NACC2: variants seen among roughly 807,000 people sequenced by gnomAD.
NACC2 encodes the protein NACC family member 2.
In NACC2, 8 loss-of-function variants were observed where a neutral mutation model predicts 25.1. That is an observed-to-expected ratio of 0.32 (90% CI 0.19 to 0.57). The LOEUF (loss-of-function observed/expected upper bound fraction) is 0.57. Among genes scored for constraint, NACC2 ranks in the 20% least tolerant of loss-of-function variants. The pLI, the probability that NACC2 is intolerant of heterozygous loss-of-function variation, is 0.89. For missense variants in NACC2, 644 were observed against 650.2 expected, an observed-to-expected ratio of 0.99 and a Z score of 0.10; for synonymous variants, 435 against 294.7, an observed-to-expected ratio of 1.48 and a Z score of -4.88.
At position 136,022,923 on chromosome 9, in the gene NACC2, GT is replaced by G. The variant is rs35317169; in HGVS notation, c.887-6495del. Among the ~76,000 whole-genome samples, 73,494 of 147,712 alleles carry G rather than the reference GT, an allele frequency of 0.5. 19,174 individuals are homozygous for G. The highest frequency in any genetic ancestry group is 0.66 in the African/African-American group (26,075 of 39,688). On this transcript the variant is annotated intron_variant, in intron 2 of 5. Coordinates refer to ENST00000277554, the MANE Select transcript of NACC2 (RefSeq NM_144653.5). The surrounding 1 kb of genome is among the most constrained non-coding windows in gnomAD (Gnocchi z 4.4). ...CGCCATGCCACGCCACACCGTGCCT[GT>G]TAAGACACAGCCCGTTTCGTGGATG...
intron 1 of NACC2, among the ~76,000 whole-genome samples, chr9:136,063,566 G>C (rs565294401): frequency 6.6e-6 from 1 of 152,198 alleles, no homozygotes; most frequent in African/African-American, 2.4e-5. Flanking sequence ...ACCTGGGAAG[G>C]GTATGCACAA....
Position 136,018,951 on chromosome 9 carries a change from G to A in NACC2, c.887-2522C>T, listed in dbSNP as rs1840244536. Reference sequence around the variant, plus strand: ...GATGTTTTTCTAAACAGCAGAAGTTGTTTGTGCTTGGAACACCCGCCCCTC... The same window carrying A: ...GATGTTTTTCTAAACAGCAGAAGTTATTTGTGCTTGGAACACCCGCCCCTC... On this transcript the variant is annotated intron_variant, in intron 2 of 5. Transcript: ENST00000277554. This position sits in a 1 kb window ranked among gnomAD's most constrained non-coding sequence, Gnocchi z 4.4. Among the ~76,000 whole-genome samples, 3 of 151,846 alleles carry A rather than the reference G, an allele frequency of 2.0e-5. No homozygotes were observed. Among genetic ancestry groups the A allele is most frequent in the Admixed American group, 2.0e-4 (3 of 15,268 alleles).
intron 2 of NACC2, among the ~76,000 whole-genome samples, chr9:136,048,907 A>ACCCAGG (rs1220005494): frequency 5.9e-5 from 9 of 152,328 alleles, no homozygotes; most frequent in African/African-American, 2.2e-4. Context: ...ATGCACCCGC[A>ACCCAGG]CCCAGGCCCA....
At chr9:136,034,066 T>G (rs899641121) in intron 2 of NACC2, among the ~76,000 whole-genome samples, 1 of 151,864 alleles carries the variant, frequency 6.6e-6, no homozygotes, top group Non-Finnish European at 1.5e-5. Context: ...TCAGAAAAAA[T>G]TTTTAAAAAC....
chr9:136,013,790 G>C lies in NACC2; in HGVS notation c.1157+74C>G. ...TCAATGCCACAACCCTGGACGATCA[G>C]ACAGCTCATAGCTAAAGGAGCCAGA... On this transcript the variant is annotated intron_variant, in intron 4 of 5. Transcript: ENST00000277554. This position sits in a 1 kb window ranked among gnomAD's most constrained non-coding sequence, Gnocchi z 6.6. 1.5e-6 allele frequency: 2 copies of C among 1,328,214 alleles called. No individual in the cohort carries two copies. Among genetic ancestry groups the C allele is most frequent in the African/African-American group, 2.9e-5 (2 of 68,650 alleles). 82.3% of individuals were successfully genotyped at this position (1,328,214 alleles called of 1,614,324 possible).
intron 1 of NACC2, among the ~76,000 whole-genome samples, chr9:136,053,072 C>T (rs1367031469): frequency 6.6e-6 from 1 of 152,248 alleles, no homozygotes; most frequent in Non-Finnish European, 1.5e-5. Context: ...TGAGCCCCCT[C>T]CTGCTTGGCC....
chr9:136,018,778 G>A lies in NACC2; in HGVS notation c.887-2349C>T, dbSNP rs1456727286. 2.0e-5 allele frequency among the ~76,000 whole-genome samples: 3 copies of A among 152,066 alleles called. No individual in the cohort carries two copies. Among genetic ancestry groups the A allele is most frequent in the Non-Finnish European group, 2.9e-5 (2 of 68,016 alleles). On this transcript the variant is annotated intron_variant, in intron 2 of 5. Coordinates refer to ENST00000277554, the MANE Select transcript of NACC2 (RefSeq NM_144653.5). This position sits in a 1 kb window ranked among gnomAD's most constrained non-coding sequence, Gnocchi z 4.4. ...CTCAGGGAACACAGCAAAACAACCC[G>A]GGTGGTATTTTAAAACATAATTACA...
At chr9:136,091,291 G>A (rs1830431775) in intron 1 of NACC2, among the ~76,000 whole-genome samples, 3 of 152,220 alleles carry the variant, frequency 2.0e-5, no homozygotes, top group South Asian at 4.1e-4. Context: ...AGGAGGCAGA[G>A]GATGCTACTC....
chr9:136,056,778 G>A (rs1393511174), intron 1 of NACC2, among the ~76,000 whole-genome samples: 5 of 152,224 alleles, frequency 3.3e-5, no homozygotes, highest in African/African-American at 7.2e-5. Context: ...GTCCCTAGGC[G>A]GCTTCTACCC....
chr9:136,046,699 G>A (rs1588570065), intron 2 of NACC2, among the ~76,000 whole-genome samples: 1 of 152,162 alleles, frequency 6.6e-6, no homozygotes, highest in South Asian at 2.1e-4. Flanking sequence ...CAACCTGAAT[G>A]TCCTTTGATA....
intron 2 of NACC2, among the ~76,000 whole-genome samples, chr9:136,046,410 T>C (rs1588569934): frequency 6.6e-6 from 1 of 152,044 alleles, no homozygotes; most frequent in Admixed American, 6.5e-5. Context: ...TGCTCCGGGG[T>C]CTCCCGAGGC....
chr9:136,033,172 T>C (rs912720185), intron 2 of NACC2, among the ~76,000 whole-genome samples: 3 of 150,298 alleles, frequency 2.0e-5, no homozygotes, highest in African/African-American at 7.5e-5. Flanking sequence ...TGAGACCCTG[T>C]CTCAAAAATA....
chr9:136,091,554 G>A (rs1172254374), intron 1 of NACC2, among the ~76,000 whole-genome samples: 1 of 152,190 alleles, frequency 6.6e-6, no homozygotes, highest in African/African-American at 2.4e-5. Flanking sequence ...TGCCGGTCCC[G>A]GAGTTCATGT....
intron 1 of NACC2, among the ~76,000 whole-genome samples, chr9:136,090,920 TC>T (rs1830428407): frequency 6.6e-6 from 1 of 151,936 alleles, no homozygotes; most frequent in Admixed American, 6.5e-5. Context: ...GCCCCTCTGT[TC>T]CCCGCCCCCA....
At chr9:136,012,652 GTTTTTTTTTTTTT>G (rs540279008) in intron 5 of NACC2, among the ~76,000 whole-genome samples, 1 of 133,134 alleles carries the variant, frequency 7.5e-6, no homozygotes, top group Non-Finnish European at 1.6e-5. Context: ...GCCTCACAAG[GTTTTTTTTTTTTT>G]TTTTTTTTCT....
At chr9:136,045,155 G>A (rs1332667140) in intron 2 of NACC2, among the ~76,000 whole-genome samples, 5 of 152,222 alleles carry the variant, frequency 3.3e-5, no homozygotes, top group East Asian at 1.9e-4. Context: ...ACCGCCCCAT[G>A]GAAGTGGGTA....
At position 136,007,427 on chromosome 9, in the gene NACC2, AC is replaced by A. The variant is rs1840033200; in HGVS notation, c.*4088del. Reference sequence around the variant, plus strand: ...CACGTGCACACAGACGCGCGTGCACACATACACACAGACGCGCACACACACG... The same window carrying A: ...CACGTGCACACAGACGCGCGTGCACAATACACACAGACGCGCACACACACG... On this transcript the variant is annotated 3_prime_UTR_variant, in exon 6 of 6. Transcript: ENST00000277554. 1 of 121,636 alleles carries A rather than the reference AC, an allele frequency of 8.2e-6. No individual in the cohort carries two copies. Among genetic ancestry groups the A allele is most frequent in the African/African-American group, 3.2e-5 (1 of 31,172 alleles). 7.5% of individuals were successfully genotyped at this position (121,636 alleles called of 1,614,324 possible). A position where few individuals can be genotyped will look rare whatever the true frequency, so the allele number is the denominator to read the frequency against.
rs528476574 is a variant in NACC2 at position 136,017,616 on chromosome 9, T to A, written c.887-1187A>T. 1.2e-4 allele frequency among the ~76,000 whole-genome samples: 18 copies of A among 147,352 alleles called. No homozygotes were observed. In the East Asian group the frequency reaches 3.5e-3, roughly 28 times the overall value. On this transcript the variant is annotated intron_variant, in intron 2 of 5. Coordinates refer to ENST00000277554, the MANE Select transcript of NACC2 (RefSeq NM_144653.5). ...GTTCCAGGGTGAAGATCAGCTCCCCTGAGCGGGCCCCCGGTGCTCACATGC... is the reference window on the plus strand; with the variant it reads ...GTTCCAGGGTGAAGATCAGCTCCCCAGAGCGGGCCCCCGGTGCTCACATGC...
chr9:136,083,784 G>A (rs1830350164), intron 1 of NACC2, among the ~76,000 whole-genome samples: 1 of 152,220 alleles, frequency 6.6e-6, no homozygotes, highest in African/African-American at 2.4e-5. Flanking sequence ...CCTGTTAGTG[G>A]TGGCACGTTC....
Sources: allele counts gnomAD v4.1 joint callset (sites outside exome capture counted in the v4.1 genomes callset), GRCh38; gene constraint gnomAD v4.1.1; non-coding constraint Gnocchi (gnomAD v3.1); transcripts MANE v1.5; gene names NCBI Gene and HGNC (gene_info 2026-07-23, HGNC 2026-07-21).